The following GPC1 variants were observed in gnomAD, a reference collection of about 807,000 sequenced individuals.
The protein encoded by GPC1 is glypican 1.
A neutral mutation model predicts 51.5 loss-of-function variants in GPC1; 26 were observed. The observed-to-expected ratio is 0.50, with a 90% CI of 0.37 to 0.70. The LOEUF (loss-of-function observed/expected upper bound fraction) is 0.70. Among genes scored for constraint, GPC1 ranks in the 30% least tolerant of loss-of-function variants. The pLI, the probability that GPC1 is intolerant of heterozygous loss-of-function variation, is 0.00. For missense variants in GPC1, 775 were observed against 800.5 expected, an observed-to-expected ratio of 0.97 and a Z score of 0.38; for synonymous variants, 380 against 348.3, an observed-to-expected ratio of 1.09 and a Z score of -1.01.
rs765694919 is a variant in GPC1 at position 240,465,612 on chromosome 2, G to A, written c.1408G>A (p.Ala470Thr). 21 of 1,612,976 alleles carry A rather than the reference G, an allele frequency of 1.3e-5. No homozygotes were observed. Among genetic ancestry groups the A allele is most frequent in the East Asian group, 6.7e-5 (3 of 44,878 alleles). Reference protein sequence around the residue: ...LKIMTNRLRSAYNGNDVDFQD... With the variant: ...LKIMTNRLRSTYNGNDVDFQD... ...GATCATGACCAACCGGCTGCGCAGC[G>A]CCTACAACGGCAACGACGTGGACTT... is the stretch of plus-strand genomic sequence containing the variant. The change falls in exon 8 of 9, where the codon GCC becomes ACC. Residue 470 changes from alanine (A) to threonine (T), a missense_variant. Coordinates refer to ENST00000264039, the MANE Select transcript of GPC1 (RefSeq NM_002081.3).
Position 240,466,366 on chromosome 2 carries a change from C to T in GPC1, c.*76C>T. 1.2e-6 allele frequency: 1 copy of T among 867,796 alleles called. No individual in the cohort carries two copies. The highest frequency in any genetic ancestry group is 1.7e-5 in the African/African-American group (1 of 60,514). The allele number at this position is 867,796 out of a possible 1,614,324, so 53.8% of individuals were successfully genotyped here. A position where few individuals can be genotyped will look rare whatever the true frequency, so the allele number is the denominator to read the frequency against. On this transcript the variant is annotated 3_prime_UTR_variant, in exon 9 of 9. Transcript: ENST00000264039. ...ACAACACAGACGATATTTAATTCACCTCAGCCTGGAGAGGCCTGGGGTGGG... is the reference window on the plus strand; with the variant it reads ...ACAACACAGACGATATTTAATTCACTTCAGCCTGGAGAGGCCTGGGGTGGG...
intron 1 of GPC1, among the ~76,000 whole-genome samples, chr2:240,444,096 G>A (rs114224118): frequency 0.021 from 3,186 of 152,310 alleles, 40 homozygotes; most frequent in South Asian, 0.028. Flanking sequence ...CTGTGAACAC[G>A]GCCCGGCTTC....
At chr2:240,457,971 C>G (rs1405837496) in intron 1 of GPC1, 1 of 461,156 alleles carries the variant, frequency 2.2e-6, no homozygotes, top group South Asian at 1.6e-5. Flanking sequence ...TCCACTGTGC[C>G]TGACCTAGGC....
intron 2 of GPC1, 123 bp from the exon 3 acceptor site, chr2:240,462,068 C>G: frequency 2.1e-6 from 2 of 963,122 alleles, no homozygotes; most frequent in Non-Finnish European, 3.0e-6. Flanking sequence ...AGTGTGGCGT[C>G]CGACTCCGAG....
Position 240,462,408 on chromosome 2 carries a change from G to T in GPC1, c.543G>T (p.Gln181His), listed in dbSNP as rs1390194276. Reference protein sequence around the residue: ...LERLFKQLHPQLLLPDDYLDC... With the variant: ...LERLFKQLHPHLLLPDDYLDC... Reference sequence around the variant, plus strand: ...GCCTCTTCAAGCAGCTGCACCCCCAGCTGCTGCTGCCTGATGACTACCTGG... The same window carrying T: ...GCCTCTTCAAGCAGCTGCACCCCCATCTGCTGCTGCCTGATGACTACCTGG... The change falls in exon 3 of 9, where the codon CAG becomes CAT. Residue 181 changes from glutamine (Q) to histidine (H), a missense_variant. Gln to His is a conservative substitution (Grantham distance 24). Transcript: ENST00000264039. The T allele has an allele frequency of 6.2e-7, 1 of 1,601,462 alleles. No homozygotes were observed.
chr2:240,457,786 G>A (rs2074181324), intron 1 of GPC1, among the ~76,000 whole-genome samples: 1 of 152,184 alleles, frequency 6.6e-6, no homozygotes, highest in Non-Finnish European at 1.5e-5. Flanking sequence ...ACCCTCAGGA[G>A]GGCGTAAAAG....
At chr2:240,459,597 G>A (rs1490663576) in intron 2 of GPC1, among the ~76,000 whole-genome samples, 1 of 152,200 alleles carries the variant, frequency 6.6e-6, no homozygotes, top group African/African-American at 2.4e-5. Flanking sequence ...TGGAGCCAGG[G>A]AGCTCAGTGC....
intron 1 of GPC1, among the ~76,000 whole-genome samples, chr2:240,440,272 C>T (rs1232682759): frequency 3.3e-5 from 5 of 152,238 alleles, no homozygotes; most frequent in East Asian, 1.9e-4. Flanking sequence ...GCTTGTGGAG[C>T]GTTTCCCATG....
intron 3 of GPC1, 102 bp from the exon 4 acceptor site, chr2:240,463,245 A>T: frequency 1.0e-6 from 1 of 990,816 alleles, no homozygotes; most frequent in Non-Finnish European, 1.5e-6. Context: ...GCCTCCCCTG[A>T]CTTCCCTCCA....
In GPC1 at chr2:240,467,895, A is replaced by C. The variant is rs1035287312; in HGVS notation, c.*1605A>C. 2 of 152,246 alleles carry C rather than the reference A, an allele frequency of 1.3e-5. No homozygotes were observed. Among genetic ancestry groups the C allele is most frequent in the Admixed American group, 6.5e-5 (1 of 15,272 alleles). 9.4% of individuals were successfully genotyped at this position (152,246 alleles called of 1,614,324 possible). ...CACTCCCGCTGCACACAGACGGCCT[A>C]GGGGTGGCGCTCAGACCCCACCCTA... On this transcript the variant is annotated 3_prime_UTR_variant, in exon 9 of 9. Transcript: ENST00000264039.
Position 240,459,132 on chromosome 2 carries a change from G to C in GPC1, c.269G>C (p.Arg90Pro). The C allele has an allele frequency of 1.2e-6, 2 of 1,612,668 alleles. No individual in the cohort carries two copies. Among genetic ancestry groups the C allele is most frequent in the Non-Finnish European group, 1.7e-6 (2 of 1,179,890 alleles). ...CATGCCGAGCTGGAGACCGCGCTCC[G>C]GGACAGCAGCCGCGTCCTGCAGGCC... ...RSHAELETALRDSSRVLQAML... is the reference protein window; with the variant it reads ...RSHAELETALPDSSRVLQAML... The change falls in exon 2 of 9, where the codon CGG (arginine) becomes CCG (proline). Residue 90 changes from arginine (R) to proline (P), a missense_variant. Arg to Pro is a moderately radical substitution (Grantham distance 103). Transcript: ENST00000264039.
chr2:240,440,635 C>T, intron 1 of GPC1, among the ~76,000 whole-genome samples: 1 of 15,418 alleles, frequency 6.5e-5, no homozygotes, highest in South Asian at 2.3e-3. Flanking sequence ...TCCGGTCCTG[C>T]CCAGCTCCTC....
At chr2:240,456,239 T>TG in intron 1 of GPC1, 1 of 250,456 alleles carries the variant, frequency 4.0e-6, no homozygotes, top group South Asian at 3.4e-5. Flanking sequence ...AACCTGCAGG[T>TG]GGGGGGAGCT....
In GPC1 at chr2:240,444,795, G is replaced by A. The variant is rs74001646; in HGVS notation, c.166+8711G>A. 2.1e-3 allele frequency among the ~76,000 whole-genome samples: 325 copies of A among 152,308 alleles called. 1 individual carries two copies. The highest frequency in any genetic ancestry group is 7.5e-3 in the African/African-American group (312 of 41,566). On this transcript the variant is annotated intron_variant, in intron 1 of 8. Transcript: ENST00000264039. Reference sequence around the variant, plus strand: ...TGTCTGGCGCATCCTTGGTGACTGGGGCTCCCTGTGGCTGTCTGATCCCAT... The same window carrying A: ...TGTCTGGCGCATCCTTGGTGACTGGAGCTCCCTGTGGCTGTCTGATCCCAT...
intron 4 of GPC1, 51 bp downstream of exon 4, chr2:240,463,563 A>G (rs2151796752): frequency 6.5e-7 from 1 of 1,536,540 alleles, no homozygotes; most frequent in East Asian, 2.3e-5. Context: ...GGAGTGCACG[A>G]CTGGGGGTCC....
chr2:240,441,238 C>T (rs2151785626), intron 1 of GPC1, among the ~76,000 whole-genome samples: 1 of 152,386 alleles, frequency 6.6e-6, no homozygotes, highest in Middle Eastern at 3.4e-3. Context: ...TAGTGGGTGT[C>T]TGAGCATGCC....
At chr2:240,453,368 T>A (rs1416394184) in intron 1 of GPC1, among the ~76,000 whole-genome samples, 62 of 564 alleles carry the variant, frequency 0.11, 14 homozygotes, top group African/African-American at 0.21. Context: ...CCCCGCTCCC[T>A]CCGCCCGCCC....
At chr2:240,460,142 G>A (rs571032568) in intron 2 of GPC1, among the ~76,000 whole-genome samples, 19 of 152,202 alleles carry the variant, frequency 1.2e-4, no homozygotes, top group African/African-American at 4.6e-4. Flanking sequence ...GAGCCCCCAA[G>A]GCCATTTCCA....
rs767139718 is a variant in GPC1, at chr2:240,466,316, G to A, written c.*26G>A. 7.8e-7 allele frequency: 1 copy of A among 1,289,942 alleles called. No individual in the cohort carries two copies. 79.9% of individuals were successfully genotyped at this position (1,289,942 alleles called of 1,614,324 possible). On this transcript the variant is annotated 3_prime_UTR_variant, in exon 9 of 9. Transcript: ENST00000264039. ...CTGCCCCAAGGCCCCAGGGACAGAG[G>A]CCAAGGACTGACTTTGCCAAAAATA...
Sources: allele counts gnomAD v4.1 joint callset (sites outside exome capture counted in the v4.1 genomes callset), GRCh38; gene constraint gnomAD v4.1.1; transcripts MANE v1.5; gene names NCBI Gene and HGNC (gene_info 2026-07-23, HGNC 2026-07-21).